Variants in LRMDA observed in about 807,000 individuals in gnomAD.
LRMDA encodes the protein leucine rich melanocyte differentiation associated.
LRMDA carries 18 observed loss-of-function variants against 29.8 expected under a neutral mutation model. That is an observed-to-expected ratio of 0.60 (90% confidence interval 0.42 to 0.90). LRMDA has a LOEUF of 0.90. LRMDA is among the 40% of genes least tolerant of loss of function. The pLI, the probability that LRMDA is intolerant of heterozygous loss-of-function variation, is 0.00. For missense variants in LRMDA, 273 were observed against 273.9 expected (o/e 1.00, Z 0.02); for synonymous variants, 125 against 109.4 (o/e 1.14, Z -0.89).
chr10:75,579,065 C>A (rs1183695224), intron 2 of LRMDA, among the ~76,000 whole-genome samples: 2 of 152,000 alleles, frequency 1.3e-5, no homozygotes, highest in Admixed American at 1.3e-4. Flanking sequence ...TAACTAAGAT[C>A]AGAGCAGAGC....
intron 6 of LRMDA, among the ~76,000 whole-genome samples, chr10:76,480,015 T>C (rs1842719788): frequency 6.6e-6 from 1 of 152,024 alleles, no homozygotes; most frequent in African/African-American, 2.4e-5. Context: ...CTGAGCATTT[T>C]ACTTACATTA....
intron 6 of LRMDA, among the ~76,000 whole-genome samples, chr10:76,378,521 G>T (rs1356395589): frequency 1.3e-5 from 2 of 152,006 alleles, no homozygotes; most frequent in Non-Finnish European, 2.9e-5. Flanking sequence ...TAAGTTTGTT[G>T]TATATGTCTT....
chr10:76,472,753 T>C (rs914998950), intron 6 of LRMDA, among the ~76,000 whole-genome samples: 1 of 151,556 alleles, frequency 6.6e-6, no homozygotes. Context: ...CTATGATCAA[T>C]TAAATGCCAA....
chr10:75,638,335 C>A (rs1342034161), intron 2 of LRMDA, among the ~76,000 whole-genome samples: 1 of 152,138 alleles, frequency 6.6e-6, no homozygotes, highest in Non-Finnish European at 1.5e-5. Flanking sequence ...TCCCAGGTTT[C>A]CTTCTCAAGC....
chr10:75,662,323 A>G (rs768691431), intron 2 of LRMDA, among the ~76,000 whole-genome samples: 1 of 152,204 alleles, frequency 6.6e-6, no homozygotes, highest in Non-Finnish European at 1.5e-5. Flanking sequence ...CATCTAAGGG[A>G]AGCTGAGTAG....
chr10:76,412,392 A>G (rs1325201636), intron 6 of LRMDA, among the ~76,000 whole-genome samples: 1 of 152,176 alleles, frequency 6.6e-6, no homozygotes, highest in Non-Finnish European at 1.5e-5. Context: ...AAGGCACACA[A>G]CCTTATTTGT....
chr10:76,095,157 A>G (rs1414667743), intron 5 of LRMDA, among the ~76,000 whole-genome samples: 1 of 152,138 alleles, frequency 6.6e-6, no homozygotes, highest in Non-Finnish European at 1.5e-5. Context: ...CATCCCTACC[A>G]TCCCCACTTC....
chr10:76,401,415 C>A (rs1416948878), intron 6 of LRMDA, among the ~76,000 whole-genome samples: 1 of 152,160 alleles, frequency 6.6e-6, no homozygotes, highest in African/African-American at 2.4e-5. Flanking sequence ...GGACCTTGTT[C>A]TTGGGGTTTT....
chr10:76,550,464 A>G (rs368665078), intron 6 of LRMDA, among the ~76,000 whole-genome samples: 9 of 152,134 alleles, frequency 5.9e-5, no homozygotes, highest in Admixed American at 2.6e-4. Flanking sequence ...GACAGTGTGC[A>G]GTATCCCCGC....
chr10:76,552,524 A>G (rs977002871), intron 6 of LRMDA, among the ~76,000 whole-genome samples: 7 of 152,202 alleles, frequency 4.6e-5, no homozygotes, highest in African/African-American at 9.7e-5. Flanking sequence ...GCATCAGGCA[A>G]TATTGGACCT....
chr10:76,236,710 G>C (rs2132278811), intron 5 of LRMDA, among the ~76,000 whole-genome samples: 1 of 152,286 alleles, frequency 6.6e-6, no homozygotes, highest in Middle Eastern at 3.4e-3. Flanking sequence ...GACTTGCCAT[G>C]AACATCAGGC....
intron 2 of LRMDA, among the ~76,000 whole-genome samples, chr10:75,654,967 A>C (rs572328352): frequency 1.5e-4 from 23 of 152,364 alleles, no homozygotes; most frequent in Admixed American, 3.3e-4. Context: ...GACTTATTGC[A>C]TAAAAATAAC....
intron 2 of LRMDA, among the ~76,000 whole-genome samples, chr10:75,507,651 C>CCTA (rs1845184168): frequency 6.6e-6 from 1 of 152,122 alleles, no homozygotes; most frequent in Non-Finnish European, 1.5e-5. Context: ...TGTGCCCCAC[C>CCTA]CTACCCTTCT....
chr10:76,328,580 A>G (rs1200147355), intron 6 of LRMDA, among the ~76,000 whole-genome samples: 1 of 152,174 alleles, frequency 6.6e-6, no homozygotes. Flanking sequence ...AAGCAAGTGT[A>G]GGTAGGACTA....
chr10:75,860,138 C>T (rs1308268919), intron 2 of LRMDA, among the ~76,000 whole-genome samples: 3 of 151,996 alleles, frequency 2.0e-5, no homozygotes, highest in Non-Finnish European at 4.4e-5. Context: ...AGTGTCTAAA[C>T]TGGCTAAGAG....
At chr10:75,695,576 T>G (rs1842223849) in intron 2 of LRMDA, among the ~76,000 whole-genome samples, 1 of 152,038 alleles carries the variant, frequency 6.6e-6, no homozygotes, top group Admixed American at 6.6e-5. Context: ...CCCCCTCCCT[T>G]TAATAATCCC....
chr10:76,235,338 C>G (rs1852132276), intron 5 of LRMDA, among the ~76,000 whole-genome samples: 1 of 152,048 alleles, frequency 6.6e-6, no homozygotes, highest in Non-Finnish European at 1.5e-5. Flanking sequence ...ATCACCATAA[C>G]AGATATAATA....
intron 2 of LRMDA, among the ~76,000 whole-genome samples, chr10:75,571,198 G>A (rs1840433014): frequency 6.6e-6 from 1 of 152,222 alleles, no homozygotes; most frequent in South Asian, 2.1e-4. Context: ...CTGACTTAGT[G>A]TAGTAGAGAT....
chr10:75,686,952 T>A (rs1842090210), intron 2 of LRMDA, among the ~76,000 whole-genome samples: 1 of 152,194 alleles, frequency 6.6e-6, no homozygotes. Context: ...ACTTTGATGT[T>A]CCCATTATAA....
Sources: allele counts gnomAD v4.1 joint callset (sites outside exome capture counted in the v4.1 genomes callset), GRCh38; gene constraint gnomAD v4.1.1; transcripts MANE v1.5; gene names NCBI Gene and HGNC (gene_info 2026-07-23, HGNC 2026-07-21).